ZGRF1: variants seen among roughly 807,000 people sequenced by gnomAD.
ZGRF1 encodes zinc finger GRF-type containing 1, also known as 5'-3' DNA helicase ZGRF1.
In ZGRF1, 196 loss-of-function variants were observed where a neutral mutation model predicts 203.5. The ratio of observed to expected loss-of-function variants is 0.96; its 90% CI spans 0.86 to 1.08. The LOEUF (loss-of-function observed/expected upper bound fraction) is 1.08, where lower values mean the gene tolerates loss of function less well. Among genes scored for constraint, ZGRF1 ranks in the 50% least tolerant of loss-of-function variants. The pLI is 0.00. For missense variants in ZGRF1, 2,326 were observed against 2,416.3 expected (o/e 0.96, Z 0.78); for synonymous variants, 809 against 841.3 (o/e 0.96, Z 0.66).
chr4:112,546,689 G>T (rs1738842758), intron 24 of ZGRF1: 1 of 152,186 alleles, frequency 6.6e-6, no homozygotes, highest in South Asian at 2.1e-4. Flanking sequence ...ATGTGTGTGG[G>T]TTAATGGATG....
Position 112,548,315 on chromosome 4 carries a change from A to G in ZGRF1, c.5412T>C (p.Pro1804=). ...PFPCMNDLKF[P]VVVLDECSQI... is the part of the protein sequence containing the mutation. ...GACTACACTCATCCAGCACAACTAC[A>G]GGAAATTTAAGATCATTCATGCATG... Residue 1804 remains proline, a synonymous_variant, in exon 23 of 28, where the codon CCT becomes CCC. Coordinates refer to ENST00000505019, the MANE Select transcript of ZGRF1 (RefSeq NM_018392.5). The G allele has an allele frequency of 6.4e-7, 1 of 1,553,478 alleles. No individual in the cohort carries two copies. Among genetic ancestry groups the G allele is most frequent in the South Asian group, 1.2e-5 (1 of 84,078 alleles).
At chr4:112,612,632 C>T in intron 6 of ZGRF1, 44 bp from the exon 7 acceptor site, 1 of 1,219,900 alleles carries the variant, frequency 8.2e-7, no homozygotes, top group Non-Finnish European at 1.2e-6. Flanking sequence ...TTATATATAG[C>T]AGTACTCTAA....
chr4:112,561,931 T>TG (rs1742065794), intron 18 of ZGRF1, among the ~76,000 whole-genome samples: 1 of 150,322 alleles, frequency 6.7e-6, no homozygotes, highest in African/African-American at 2.4e-5. Flanking sequence ...TTTTTTTTTT[T>TG]TGAGATAGAG....
chr4:112,587,372 A>G lies in ZGRF1; in HGVS notation c.3685T>C (p.Ser1229Pro), dbSNP rs748873695. The G allele has an allele frequency of 1.7e-5, 28 of 1,613,884 alleles. No individual in the cohort carries two copies. The highest frequency in any genetic ancestry group is 2.3e-5 in the Non-Finnish European group (27 of 1,179,850). The change falls in exon 12 of 28, where the codon TCT becomes CCT. Residue 1229 changes from serine to proline, a missense_variant. Coordinates refer to ENST00000505019, the MANE Select transcript of ZGRF1 (RefSeq NM_018392.5). ...TTAGAAGTCTGCTTTAAATTCAGAGAAAGTACTTTCTTTCTGGAAACCGAA... is the reference window on the plus strand; with the variant it reads ...TTAGAAGTCTGCTTTAAATTCAGAGGAAGTACTTTCTTTCTGGAAACCGAA... Reference protein sequence around the residue: ...QDSVSRKKVLSLNLKQTSKTE... With the variant: ...QDSVSRKKVLPLNLKQTSKTE...
intron 3 of ZGRF1, among the ~76,000 whole-genome samples, chr4:112,624,804 GA>G (rs2149186450): frequency 6.6e-6 from 1 of 152,106 alleles, no homozygotes; most frequent in East Asian, 1.9e-4. Context: ...GCAATTCCTT[GA>G]AAGATTAAAG....
At chr4:112,549,350 C>T (rs1739448459) in intron 22 of ZGRF1, among the ~76,000 whole-genome samples, 2 of 152,308 alleles carry the variant, frequency 1.3e-5, no homozygotes, top group African/African-American at 4.8e-5. Flanking sequence ...AGCCCGCTAT[C>T]TATACACACA....
chr4:112,598,508 C>T (rs757974722), intron 10 of ZGRF1, among the ~76,000 whole-genome samples: 11 of 151,462 alleles, frequency 7.3e-5, no homozygotes, highest in Non-Finnish European at 1.6e-4. Context: ...ATTATAGGTG[C>T]CTGGAAGAAT....
intron 10 of ZGRF1, among the ~76,000 whole-genome samples, chr4:112,601,823 TGCAAA>T (rs1750032385): frequency 6.6e-6 from 1 of 152,258 alleles, no homozygotes. Flanking sequence ...GAAAGATATT[TGCAAA>T]GCATACAACT....
rs1745737167 is a variant in ZGRF1, at chr4:112,579,018, C to T, written c.4438+2645G>A. Among the ~76,000 whole-genome samples, 2 of 122,668 alleles carry T rather than the reference C, an allele frequency of 1.6e-5. 1 individual carries two copies. The highest frequency in any genetic ancestry group is 1.9e-4 in the Admixed American group (2 of 10,796). 80.5% of individuals were successfully genotyped at this position (122,668 alleles called of 152,430 possible). ...CCTGATGAACATCGATGCAAAAATC[C>T]TCAATAAAATACTGGCAAACTGAAT... On this transcript the variant is annotated intron_variant, in intron 16 of 27. Transcript: ENST00000505019.
intron 16 of ZGRF1, among the ~76,000 whole-genome samples, chr4:112,564,810 AACAT>A (rs1742696149): frequency 6.6e-6 from 1 of 152,220 alleles, no homozygotes; most frequent in Non-Finnish European, 1.5e-5. Context: ...AAAAAATAAA[AACAT>A]ACATAATGTT....
chr4:112,589,614 G>A (rs1223229375), intron 11 of ZGRF1, 110 bp downstream of exon 11: 1 of 961,526 alleles, frequency 1.0e-6, no homozygotes, highest in Admixed American at 2.0e-5. Flanking sequence ...GGCTTCAAGG[G>A]ATATGACACT....
rs140017514 is a variant in ZGRF1 at position 112,561,208 on chromosome 4, A to T, written c.4698-213T>A. 656 of 518,132 alleles carry T rather than the reference A, an allele frequency of 1.3e-3. 2 individuals are homozygous for T. Among genetic ancestry groups the T allele is most frequent in the African/African-American group, 0.01 (532 of 52,522 alleles). 32.1% of individuals were successfully genotyped at this position (518,132 alleles called of 1,614,324 possible). On this transcript the variant is annotated intron_variant, in intron 18 of 27. Coordinates refer to ENST00000505019, the MANE Select transcript of ZGRF1 (RefSeq NM_018392.5). ...CTGACGTTTGTTGAATACTTACTAC[A>T]TGCTGACACTTTGTTGAGCATTTTA...
chr4:112,587,533 G>A lies in ZGRF1; in HGVS notation c.3524C>T (p.Ala1175Val). 2.5e-6 allele frequency: 4 copies of A among 1,613,882 alleles called. No homozygotes were observed. The highest frequency in any genetic ancestry group is 3.4e-6 in the Non-Finnish European group (4 of 1,179,832). The part of the protein sequence containing the change: ...KRITDGFFAE[A>V]VSGMHFRDTS... ...GTCTCTAAAATGCATCCCAGAAACAGCCTCAGCAAAGAAGCCATCAGTTAT... is the reference window on the plus strand; with the variant it reads ...GTCTCTAAAATGCATCCCAGAAACAACCTCAGCAAAGAAGCCATCAGTTAT... The change falls in exon 12 of 28, where the codon GCT becomes GTT. Residue 1175 changes from alanine (A) to valine (V), a missense_variant. By Grantham distance (64) the Ala-to-Val change is moderately conservative. Transcript: ENST00000505019.
intron 2 of ZGRF1, 75 bp downstream of exon 2, chr4:112,633,081 G>T: frequency 1.5e-6 from 2 of 1,329,696 alleles, no homozygotes; most frequent in Non-Finnish European, 2.1e-6. Flanking sequence ...ACAGCAAGAT[G>T]TTTGTGAAAC....
At chr4:112,572,368 G>A (rs905592627) in intron 16 of ZGRF1, among the ~76,000 whole-genome samples, 4 of 152,156 alleles carry the variant, frequency 2.6e-5, no homozygotes, top group African/African-American at 9.6e-5. Flanking sequence ...AATGAAATTG[G>A]ATCCTCATCT....
At position 112,603,639 on chromosome 4, in the gene ZGRF1, C is replaced by G; in HGVS notation, c.2861G>C (p.Arg954Thr). ...GCATCCTAGCTGTGAGCTGTGTCCT[C>G]TGACCATTACACCACTAGTAGCTGA... ...KGSATSGVMVRGHSSQLGCSQ... is the reference protein window; with the variant it reads ...KGSATSGVMVTGHSSQLGCSQ... Residue 954 changes from arginine to threonine, a missense_variant, in exon 10 of 28, where the codon AGA becomes ACA. Arg to Thr is a moderately conservative substitution (Grantham distance 71, BLOSUM62 -1). Coordinates refer to ENST00000505019, the MANE Select transcript of ZGRF1 (RefSeq NM_018392.5). 1 of 1,614,038 alleles carries G rather than the reference C, an allele frequency of 6.2e-7. No individual in the cohort carries two copies. The highest frequency in any genetic ancestry group is 8.5e-7 in the Non-Finnish European group (1 of 1,179,930).
chr4:112,551,674 T>A (rs1363519208), intron 22 of ZGRF1, among the ~76,000 whole-genome samples: 1 of 152,178 alleles, frequency 6.6e-6, no homozygotes, highest in East Asian at 1.9e-4. Flanking sequence ...TTAAAAATGA[T>A]CAAGCTTTGG....
At chr4:112,556,248 T>C (rs902398433) in intron 20 of ZGRF1, among the ~76,000 whole-genome samples, 5 of 152,168 alleles carry the variant, frequency 3.3e-5, no homozygotes, top group Non-Finnish European at 7.4e-5. Flanking sequence ...GAATCAGAAA[T>C]GGATACAGAG....
In ZGRF1 at chr4:112,567,232, G is replaced by C. The variant is rs76467173; in HGVS notation, c.4439-3958C>G. On this transcript the variant is annotated intron_variant, in intron 16 of 27. Coordinates refer to ENST00000505019, the MANE Select transcript of ZGRF1 (RefSeq NM_018392.5). ...CACCCTCAACTCCCTGAGCTCCTTGGAGCTGACCAGATTGGGATGGGCCTT... is the reference window on the plus strand; with the variant it reads ...CACCCTCAACTCCCTGAGCTCCTTGCAGCTGACCAGATTGGGATGGGCCTT... Among the ~76,000 whole-genome samples the C allele has an allele frequency of 7.2e-3, 1,090 of 152,168 alleles. 33 individuals are homozygous for C. The East Asian group carries it at 0.094, about 13-fold the overall frequency.
Sources: allele counts gnomAD v4.1 joint callset (sites outside exome capture counted in the v4.1 genomes callset), GRCh38; gene constraint gnomAD v4.1.1; transcripts MANE v1.5; gene names NCBI Gene and HGNC (gene_info 2026-07-23, HGNC 2026-07-21).